CCSER1: variants seen among roughly 807,000 people sequenced by gnomAD.
CCSER1 encodes the protein serine-rich coiled-coil domain-containing protein 1.
CCSER1 carries 41 observed loss-of-function variants against 82.0 expected under a neutral mutation model. The observed-to-expected ratio is 0.50, with a 90% confidence interval of 0.39 to 0.65. The LOEUF is 0.65. CCSER1 is among the 30% of genes least tolerant of loss of function. The pLI is 0.00. For synonymous variants in CCSER1, 414 were observed against 383.9 expected (o/e 1.08, Z -0.92); for missense variants, 1,119 against 1,064.2 (o/e 1.05, Z -0.72).
chr4:90,282,469 A>G (rs1578941906), intron 1 of CCSER1, among the ~76,000 whole-genome samples: 1 of 151,008 alleles, frequency 6.6e-6, no homozygotes, highest in East Asian at 1.9e-4. Flanking sequence ...TATTATTGTT[A>G]TTGTTGCTGT....
chr4:90,144,598 T>C (rs1725458977), intron 1 of CCSER1, among the ~76,000 whole-genome samples: 1 of 152,176 alleles, frequency 6.6e-6, no homozygotes, highest in South Asian at 2.1e-4. Context: ...GGAATATAGT[T>C]AAAACATATC....
intron 10 of CCSER1, among the ~76,000 whole-genome samples, chr4:91,154,960 G>T (rs182943570): frequency 1.3e-5 from 2 of 151,700 alleles, no homozygotes; most frequent in Non-Finnish European, 2.9e-5. Context: ...AGTAGAAAAG[G>T]CAGAATTCAA....
chr4:91,399,697 T>G (rs1189517542), intron 10 of CCSER1, among the ~76,000 whole-genome samples: 5 of 151,980 alleles, frequency 3.3e-5, no homozygotes, highest in Admixed American at 3.3e-4. Flanking sequence ...TTCTCTCTTC[T>G]TTTGTAGCCT....
chr4:90,156,419 G>A (rs1273719358), intron 1 of CCSER1, among the ~76,000 whole-genome samples: 2 of 152,170 alleles, frequency 1.3e-5, no homozygotes, highest in Non-Finnish European at 2.9e-5. Flanking sequence ...TTCAATTCCT[G>A]TGTATCGTTG....
At chr4:90,400,917 G>A (rs144318671) in intron 4 of CCSER1, among the ~76,000 whole-genome samples, 7 of 152,014 alleles carry the variant, frequency 4.6e-5, no homozygotes, top group Non-Finnish European at 7.4e-5. Context: ...GCTTTAGAAC[G>A]TTGGGACCTA....
rs570587127 is a variant in CCSER1 at position 90,156,903 on chromosome 4, C to T, written c.-42+29072C>T. 1.8e-3 allele frequency among the ~76,000 whole-genome samples: 279 copies of T among 152,138 alleles called. 3 individuals carry two copies. Among genetic ancestry groups the T allele is most frequent in the African/African-American group, 6.3e-3 (261 of 41,492 alleles). ...AAGTTAATATTGTTATGTGTGAATT[C>T]GATCCTGTCATTATGATGTTAGCTG... On this transcript the variant is annotated intron_variant, in intron 1 of 10. Coordinates refer to ENST00000509176, the MANE Select transcript of CCSER1 (RefSeq NM_001145065.2).
intron 10 of CCSER1, among the ~76,000 whole-genome samples, chr4:91,161,174 T>G (rs1675716906): frequency 6.6e-6 from 1 of 152,082 alleles, no homozygotes; most frequent in Admixed American, 6.6e-5. Context: ...TTTCCCCACT[T>G]CTTCTTTTTG....
At chr4:91,460,028 C>T (rs1304433275) in intron 10 of CCSER1, among the ~76,000 whole-genome samples, 1 of 152,238 alleles carries the variant, frequency 6.6e-6, no homozygotes, top group South Asian at 2.1e-4. Flanking sequence ...ATATGTAGCC[C>T]TTCTTCACAT....
intron 1 of CCSER1, among the ~76,000 whole-genome samples, chr4:90,218,802 T>A (rs929522136): frequency 1.3e-5 from 2 of 152,110 alleles, no homozygotes; most frequent in African/African-American, 2.4e-5. Flanking sequence ...GGGAGAATAG[T>A]TAGGACCAGG....
At chr4:91,227,972 A>ATG (rs1328432965) in intron 10 of CCSER1, among the ~76,000 whole-genome samples, 6 of 152,022 alleles carry the variant, frequency 3.9e-5, no homozygotes, top group Non-Finnish European at 5.9e-5. Context: ...TATTTTTTGC[A>ATG]TGTAAATATT....
intron 3 of CCSER1, among the ~76,000 whole-genome samples, chr4:90,371,141 A>C (rs1156325507): frequency 6.7e-6 from 1 of 149,650 alleles, no homozygotes; most frequent in African/African-American, 2.4e-5. Flanking sequence ...ATATAGGTTT[A>C]TATGTTGTGT....
intron 10 of CCSER1, among the ~76,000 whole-genome samples, chr4:91,210,180 C>CCTAT (rs1434038481): frequency 1.3e-5 from 2 of 151,424 alleles, no homozygotes; most frequent in African/African-American, 4.8e-5. Context: ...TGCACCTAAA[C>CCTAT]AAATGCTATT....
intron 10 of CCSER1, among the ~76,000 whole-genome samples, chr4:91,179,501 C>G (rs147410332): frequency 0.012 from 1,805 of 152,268 alleles, 35 homozygotes; most frequent in African/African-American, 0.041. Context: ...TTGTTCATTT[C>G]TTTTTACTGT....
At chr4:91,337,948 A>AAG (rs1280957013) in intron 10 of CCSER1, among the ~76,000 whole-genome samples, 5 of 152,154 alleles carry the variant, frequency 3.3e-5, no homozygotes, top group Non-Finnish European at 4.4e-5. Flanking sequence ...AGTGGGGGAA[A>AAG]ACAGTATTTT....
At chr4:90,476,021 C>CGT (rs148001576) in intron 5 of CCSER1, among the ~76,000 whole-genome samples, 65,425 of 148,344 alleles carry the variant, frequency 0.44, 16,005 homozygotes, top group Middle Eastern at 0.63. Context: ...CTTCTTTTCT[C>CGT]GTGTGTGTGT....
rs373908263 is a variant in CCSER1 at position 91,314,664 on chromosome 4, C to T, written c.2217+228670C>T. Among the ~76,000 whole-genome samples the T allele has an allele frequency of 3.3e-5, 5 of 151,924 alleles. No homozygotes were observed. The South Asian group carries it at 6.2e-4, about 19-fold the overall frequency. ...TCTCCTCTGTATATACTCAAGCTCC[C>T]CACTTTTCCAAGAGTGCTCCCTCCC... On this transcript the variant is annotated intron_variant, in intron 10 of 10. Transcript: ENST00000509176.
chr4:90,777,487 A>G (rs1753077636), intron 7 of CCSER1, among the ~76,000 whole-genome samples: 1 of 152,122 alleles, frequency 6.6e-6, no homozygotes, highest in Non-Finnish European at 1.5e-5. Flanking sequence ...GATAATTTGA[A>G]AACTGTGCTT....
intron 10 of CCSER1, among the ~76,000 whole-genome samples, chr4:91,179,693 A>C (rs1733803422): frequency 6.6e-6 from 1 of 152,196 alleles, no homozygotes; most frequent in Non-Finnish European, 1.5e-5. Flanking sequence ...TATTCTAGTT[A>C]GCCATTCATC....
intron 10 of CCSER1, among the ~76,000 whole-genome samples, chr4:91,371,602 A>C (rs1435889426): frequency 6.6e-6 from 1 of 152,100 alleles, no homozygotes; most frequent in African/African-American, 2.4e-5. Context: ...ATTGCTTCCA[A>C]ATCTTAACTA....
Sources: allele counts gnomAD v4.1 joint callset (sites outside exome capture counted in the v4.1 genomes callset), GRCh38; gene constraint gnomAD v4.1.1; transcripts MANE v1.5; gene names NCBI Gene and HGNC (gene_info 2026-07-23, HGNC 2026-07-21).